Variants in ELAC2 observed in about 807,000 individuals in gnomAD.
The protein encoded by ELAC2 is zinc phosphodiesterase ELAC protein 2.
In ELAC2, 92 loss-of-function variants were observed where a neutral mutation model predicts 105.2. That is an observed-to-expected ratio of 0.87 (90% CI 0.74 to 1.04). ELAC2 has a LOEUF of 1.04. ELAC2 is among the 50% of genes least tolerant of loss of function. The pLI is 0.00. For missense variants in ELAC2, 1,099 were observed against 1,071.7 expected, an observed-to-expected ratio of 1.03 and a Z score of -0.36; for synonymous variants, 468 against 409.1, an observed-to-expected ratio of 1.14 and a Z score of -1.74.
chr17:13,012,688 T>C (rs964810065), intron 6 of ELAC2, among the ~76,000 whole-genome samples: 2 of 152,126 alleles, frequency 1.3e-5, no homozygotes, highest in African/African-American at 2.4e-5. Context: ...TCTCTTCACA[T>C]GTAAGTAAAA....
At chr17:13,000,129 A>C in intron 15 of ELAC2, 27 bp downstream of exon 15, 2 of 1,599,590 alleles carry the variant, frequency 1.3e-6, no homozygotes, top group Non-Finnish European at 1.7e-6. Context: ...CCAGGAAAGA[A>C]AGGCTGCTCT....
At chr17:13,015,528 A>G (rs1249076863) in intron 4 of ELAC2, among the ~76,000 whole-genome samples, 3 of 152,222 alleles carry the variant, frequency 2.0e-5, no homozygotes, top group Admixed American at 2.0e-4. Context: ...ATCTTTAACA[A>G]CTCTATGAAA....
rs745926343 is a variant in ELAC2, at chr17:12,993,058, A to G, written c.2254-13T>C. 1.2e-6 allele frequency: 2 copies of G among 1,600,282 alleles called. No homozygotes were observed. Among genetic ancestry groups the G allele is most frequent in the Non-Finnish European group, 1.7e-6 (2 of 1,179,264 alleles). The stretch of plus-strand genomic sequence containing the variant: ...CTCCAAAGCAGACCTAGAAGACACA[A>G]TAGAAGACAAGGACATGTCTCAGAG... On this transcript the variant is annotated splice_polypyrimidine_tract_variant and intron_variant, in intron 23 of 23. Coordinates refer to ENST00000338034, the MANE Select transcript of ELAC2 (RefSeq NM_018127.7).
At chr17:13,005,520 G>A (rs1254515178) in intron 10 of ELAC2, among the ~76,000 whole-genome samples, 1 of 152,190 alleles carries the variant, frequency 6.6e-6, no homozygotes, top group Non-Finnish European at 1.5e-5. Context: ...ACCCTTTAAG[G>A]AGGACGGTGA....
chr17:13,014,586 T>G, intron 4 of ELAC2, 90 bp from the exon 5 acceptor site: 1 of 940,080 alleles, frequency 1.1e-6, no homozygotes. Flanking sequence ...CCAATAGGTA[T>G]CAACATAAAA....
At chr17:12,997,967 T>G (rs8069016) in intron 16 of ELAC2, among the ~76,000 whole-genome samples, 1 of 152,116 alleles carries the variant, frequency 6.6e-6, no homozygotes, top group African/African-American at 2.4e-5. Flanking sequence ...AACAAATGGC[T>G]GGGGGACAAT....
intron 8 of ELAC2, among the ~76,000 whole-genome samples, 184 bp downstream of exon 8, chr17:13,010,429 A>G (rs946892105): frequency 4.6e-5 from 7 of 152,228 alleles, no homozygotes; most frequent in African/African-American, 1.4e-4. Flanking sequence ...TTGGACTCCC[A>G]AAGTGCTGGG....
At chr17:12,996,095 T>G in intron 17 of ELAC2, 117 bp from the exon 18 acceptor site, 3 of 1,138,864 alleles carry the variant, frequency 2.6e-6, no homozygotes, top group Non-Finnish European at 3.8e-6. Context: ...CACCAGCCTC[T>G]AACACAGCCG....
chr17:13,005,844 G>T lies in ELAC2; in HGVS notation c.798-19C>A, dbSNP rs747582461. ...TGTCCCACTGAAATGAAGAGGCAAG[G>T]CCTCTGTGAAATGTGATTTCCTTAA... is the stretch of plus-strand genomic sequence containing the variant. On this transcript the variant is annotated intron_variant, in intron 9 of 23. Transcript: ENST00000338034. 6.2e-7 allele frequency: 1 copy of T among 1,614,134 alleles called. No individual in the cohort carries two copies. The highest frequency in any genetic ancestry group is 2.2e-5 in the East Asian group (1 of 44,864).
chr17:13,013,113 T>A (rs2041513804), intron 6 of ELAC2, 94 bp downstream of exon 6: 1 of 1,367,734 alleles, frequency 7.3e-7, no homozygotes, highest in African/African-American at 1.4e-5. Flanking sequence ...CAAAACAGGG[T>A]GCCCACAGCA....
intron 12 of ELAC2, 100 bp downstream of exon 12, chr17:13,003,379 A>G: frequency 9.1e-7 from 1 of 1,100,596 alleles, no homozygotes; most frequent in Non-Finnish European, 1.4e-6. Flanking sequence ...AGGCAGGTGC[A>G]GAAGGGTAGG....
chr17:12,994,546 A>C (rs1186233667), intron 21 of ELAC2, 43 bp from the exon 22 acceptor site: 1 of 1,610,718 alleles, frequency 6.2e-7, no homozygotes, highest in Non-Finnish European at 8.5e-7. Context: ...TCTCTGCGAG[A>C]GCGGCACACA....
rs199545091 is a variant in ELAC2, at chr17:12,994,865, C to T, written c.1928G>A (p.Arg643Gln). ...DLEEFQTCLV[R>Q]HCKHAFGCAL... ...ACAGCCAAACGCATGCTTGCAGTGC[C>T]GCACCAGACAGGTCTGAAACTGAAA... Residue 643 changes from arginine to glutamine, a missense_variant, in exon 21 of 24, where the codon CGG (arginine) becomes CAG (glutamine). Arg to Gln is a conservative substitution (Grantham distance 43). Coordinates refer to ENST00000338034, the MANE Select transcript of ELAC2 (RefSeq NM_018127.7). 6.6e-5 allele frequency: 106 copies of T among 1,614,084 alleles called. No homozygotes were observed. In the East Asian group the frequency reaches 1.9e-3, roughly 29 times the overall value.
intron 8 of ELAC2, among the ~76,000 whole-genome samples, chr17:13,007,235 A>C (rs959461419): frequency 5.3e-5 from 8 of 152,206 alleles, no homozygotes; most frequent in African/African-American, 1.9e-4. Flanking sequence ...CAAACAGAAA[A>C]ATGTCAGAAA....
rs1406099847 is a variant in ELAC2 at position 13,002,376 on chromosome 17, A to G, written c.1219-17T>C. 10 of 1,614,074 alleles carry G rather than the reference A, an allele frequency of 6.2e-6. No individual in the cohort carries two copies. The South Asian group carries it at 6.6e-5, about 11-fold the overall frequency. ...GCCCTCCTTCTGAAAGAGACAAAAC[A>G]CATTCATGGAGAGAAAGAGAGGGGA... On this transcript the variant is annotated splice_polypyrimidine_tract_variant and intron_variant, in intron 13 of 23. Transcript: ENST00000338034.
At chr17:13,011,577 CAAT>C (rs1213176751) in intron 7 of ELAC2, 83 bp downstream of exon 7, 8 of 1,607,516 alleles carry the variant, frequency 5.0e-6, no homozygotes, top group Admixed American at 3.3e-5. Flanking sequence ...GGCTTTCTTA[CAAT>C]AATGACTCTC....
chr17:13,005,348 T>C (rs2041042174), intron 10 of ELAC2, among the ~76,000 whole-genome samples: 1 of 152,180 alleles, frequency 6.6e-6, no homozygotes, highest in Admixed American at 6.5e-5. Flanking sequence ...GCATTAAGGT[T>C]TTCTTCAGTC....
intron 14 of ELAC2, among the ~76,000 whole-genome samples, chr17:13,001,652 C>A (rs2040818877): frequency 6.6e-6 from 1 of 152,076 alleles, no homozygotes; most frequent in South Asian, 2.1e-4. Context: ...ACACTCTGGG[C>A]CAGTAATCCC....
chr17:12,998,619 CAT>C, intron 15 of ELAC2, 111 bp from the exon 16 acceptor site: 1 of 1,040,718 alleles, frequency 9.6e-7, no homozygotes. Context: ...CCCCAGACCT[CAT>C]GTGGAAACGT....
Sources: gnomAD v4.1 joint callset for allele counts (sites outside exome capture counted in the v4.1 genomes callset) on GRCh38, gnomAD v4.1.1 for gene constraint, MANE v1.5 for transcripts, NCBI Gene and HGNC (gene_info 2026-07-23, HGNC 2026-07-21) for gene names.